The following CDK12 variants were observed in gnomAD, a reference collection of about 807,000 sequenced individuals.
The protein encoded by CDK12 is cyclin-dependent kinase 12.
Under a neutral mutation model 133.8 loss-of-function variants are expected in CDK12, and 17 were observed. That is an observed-to-expected ratio of 0.13 (90% CI 0.09 to 0.19). The LOEUF is 0.19. Among genes scored for constraint, CDK12 ranks in the 10% least tolerant of loss-of-function variants. The probability of loss-of-function intolerance (pLI) is 1.00; values close to 1 mark genes in which losing one functional copy is unlikely to be tolerated. For missense variants in CDK12, 1,508 were observed against 1,818.7 expected (o/e 0.83, Z 3.11); for synonymous variants, 694 against 683.6 (o/e 1.02, Z -0.24).
intron 2 of CDK12, among the ~76,000 whole-genome samples, chr17:39,477,080 G>A (rs1225816736): frequency 6.6e-6 from 1 of 151,004 alleles, no homozygotes; most frequent in African/African-American, 2.4e-5. Flanking sequence ...GAGTGCAGTG[G>A]TGCCATCTTG....
At chr17:39,543,844 C>T (rs1310431809), upstream of CDK12, 1 of 158,212 alleles carries the variant, frequency 6.3e-6, no homozygotes, top group African/African-American at 2.4e-5. Flanking sequence ...AGCCACAAGT[C>T]CAACCTCATG....
chr17:39,526,161 C>T lies in CDK12; in HGVS notation c.3605C>T (p.Thr1202Ile), dbSNP rs1436349298. 1.2e-6 allele frequency: 2 copies of T among 1,614,192 alleles called. No individual in the cohort carries two copies. The highest frequency in any genetic ancestry group is 1.7e-6 in the Non-Finnish European group (2 of 1,180,028). ...AEQTTLEASS[T>I]PADMQNILAV... The stretch of plus-strand genomic sequence containing the variant: ...CAGACGACCCTTGAAGCTTCAAGCA[C>T]ACCAGCTGACATGCAGAATATATTG... The change falls in exon 13 of 14, where the codon ACA becomes ATA. Residue 1202 changes from threonine (T) to isoleucine (I), a missense_variant. Transcript: ENST00000447079.
intron 13 of CDK12, among the ~76,000 whole-genome samples, chr17:39,529,291 A>G (rs1293945911): frequency 6.6e-6 from 1 of 152,218 alleles, no homozygotes; most frequent in Non-Finnish European, 1.5e-5. Context: ...TTTCATCTGC[A>G]TGCTAAGGGA....
chr17:39,547,119 G>C (rs956506187), upstream of CDK12, among the ~76,000 whole-genome samples: 3 of 147,034 alleles, frequency 2.0e-5, no homozygotes, highest in African/African-American at 7.5e-5. Flanking sequence ...TATCCTGGGA[G>C]AGTACTAGGA....
chr17:39,476,711 C>CTTT (rs879840168), intron 2 of CDK12, among the ~76,000 whole-genome samples: 31 of 84,508 alleles, frequency 3.7e-4, no homozygotes, highest in African/African-American at 1.1e-3. Flanking sequence ...CCATGCCTGC[C>CTTT]TTTTTTTTTT....
intron 5 of CDK12, among the ~76,000 whole-genome samples, chr17:39,501,042 G>A (rs754276560): frequency 6.6e-6 from 1 of 152,000 alleles, no homozygotes; most frequent in Non-Finnish European, 1.5e-5. Flanking sequence ...AGCCACAGAA[G>A]ATTAATTCAA....
chr17:39,535,859 A>G (rs1250436196), downstream of CDK12, among the ~76,000 whole-genome samples: 1 of 152,148 alleles, frequency 6.6e-6, no homozygotes, highest in Admixed American at 6.5e-5. Context: ...TCATATCCTA[A>G]TCATCCATAA....
At chr17:39,518,031 G>A (rs959532203) in intron 10 of CDK12, among the ~76,000 whole-genome samples, 1 of 150,000 alleles carries the variant, frequency 6.7e-6, no homozygotes, top group Non-Finnish European at 1.5e-5. Context: ...AGGCTGGAGT[G>A]CAGTGGCATG....
At chr17:39,538,308 C>T (rs1360747215), downstream of CDK12, among the ~76,000 whole-genome samples, 1 of 152,170 alleles carries the variant, frequency 6.6e-6, no homozygotes, top group African/African-American at 2.4e-5. Context: ...ATTCCTCTGC[C>T]ACTCATTTTA....
Position 39,471,347 on chromosome 17 carries a change from C to T in CDK12, c.1515C>T (p.Pro505=). ...CACAGGGAACAAGAGACTCTAAACC[C>T]ATAGCACTGAAAGAGGAGATTGTTA... is the stretch of plus-strand genomic sequence containing the variant. ...LKAQGTRDSK[P]IALKEEIVTP... The change falls in exon 2 of 14, where the codon CCC becomes CCT. Residue 505 remains proline, a synonymous_variant. Coordinates refer to ENST00000447079, the MANE Select transcript of CDK12 (RefSeq NM_016507.4). 1 of 1,613,948 alleles carries T rather than the reference C, an allele frequency of 6.2e-7. No individual in the cohort carries two copies. Among genetic ancestry groups the T allele is most frequent in the Non-Finnish European group, 8.5e-7 (1 of 1,179,962 alleles).
Position 39,494,705 on chromosome 17 carries a change from A to G in CDK12, c.2419+11A>G. On this transcript the variant is annotated intron_variant, in intron 5 of 13. Transcript: ENST00000447079. ...TCAAGAAGGACAAAGGTACTAGCAA[A>G]GAATCACATTTTTACAGGGTAGACT... The G allele has an allele frequency of 1.9e-6, 3 of 1,550,802 alleles. No individual in the cohort carries two copies. The highest frequency in any genetic ancestry group is 2.6e-6 in the Non-Finnish European group (3 of 1,144,106).
chr17:39,474,021 C>CA (rs913215721), intron 2 of CDK12, among the ~76,000 whole-genome samples: 2 of 152,198 alleles, frequency 1.3e-5, no homozygotes, highest in East Asian at 3.8e-4. Flanking sequence ...CATGCCACTG[C>CA]ACTCCAGCCT....
At chr17:39,560,779 C>T (rs904435120) in intron 3 of CDK12, among the ~76,000 whole-genome samples, 10 of 152,150 alleles carry the variant, frequency 6.6e-5, no homozygotes, top group African/African-American at 1.4e-4. Context: ...TTTGAGAGGC[C>T]GAGGCAGGTG....
chr17:39,552,980 C>T lies in CDK12; in HGVS notation n.356+1838C>T, dbSNP rs565548783. 4.6e-5 allele frequency among the ~76,000 whole-genome samples: 7 copies of T among 152,292 alleles called. No homozygotes were observed. The South Asian group carries it at 1.0e-3, about 23-fold the overall frequency. On this transcript the variant is annotated intron_variant and non_coding_transcript_variant, in intron 2 of 3. Transcript: ENST00000558240. ...CTGACCTCAAGTGATCCGCCTGCCT[C>T]GGCCTCCCAAAGTACTGGGATTACA...
In CDK12 at chr17:39,476,711, CTTTT is replaced by C. The variant is rs879840168; in HGVS notation, c.1931+4974_1931+4977del. Among the ~76,000 whole-genome samples the C allele has an allele frequency of 1.9e-3, 158 of 84,476 alleles. 16 individuals carry two copies. The highest frequency in any genetic ancestry group is 6.2e-3 in the African/African-American group (109 of 17,518). The allele number at this position is 84,476 out of a possible 152,430, so 55.4% of individuals were successfully genotyped here. A position where few individuals can be genotyped will look rare whatever the true frequency, so the allele number is the denominator to read the frequency against. ...TACAGGCATGAGCCACCATGCCTGC[CTTTT>C]TTTTTTTTTTTTTTTTTTTTTTTTT... On this transcript the variant is annotated intron_variant, in intron 2 of 13. Transcript: ENST00000447079.
chr17:39,519,603 A>G (rs537309684), intron 10 of CDK12, among the ~76,000 whole-genome samples: 2 of 143,792 alleles, frequency 1.4e-5, no homozygotes, highest in African/African-American at 5.2e-5. Flanking sequence ...TTTTTTTTTT[A>G]AAAAGAGATG....
intron 1 of CDK12, among the ~76,000 whole-genome samples, chr17:39,468,397 G>T (rs1024079974): frequency 1.3e-5 from 2 of 152,158 alleles, no homozygotes; most frequent in African/African-American, 2.4e-5. Flanking sequence ...AAGATGTGAT[G>T]ATCTAGAATG....
chr17:39,490,819 A>G, intron 3 of CDK12, 86 bp downstream of exon 3: 1 of 964,406 alleles, frequency 1.0e-6, no homozygotes, highest in South Asian at 2.4e-5. Context: ...TATAACCCAC[A>G]CCAGTAAGAT....
At chr17:39,495,200 C>G (rs2051980347) in intron 5 of CDK12, among the ~76,000 whole-genome samples, 2 of 151,936 alleles carry the variant, frequency 1.3e-5, no homozygotes, top group African/African-American at 4.8e-5. Flanking sequence ...TGCCTCAGCC[C>G]CCAAGTAGCT....
Sources: gnomAD v4.1 joint callset for allele counts (sites outside exome capture counted in the v4.1 genomes callset) on GRCh38, gnomAD v4.1.1 for gene constraint, MANE v1.5 for transcripts, NCBI Gene and HGNC (gene_info 2026-07-23, HGNC 2026-07-21) for gene names.